The following MYOF variants were observed in gnomAD, a reference collection of about 807,000 sequenced individuals.
MYOF encodes the protein myoferlin.
Under a neutral mutation model 284.2 loss-of-function variants are expected in MYOF, and 244 were observed. The observed-to-expected ratio is 0.86, with a 90% confidence interval of 0.77 to 0.95. The LOEUF is 0.95. Among genes scored for constraint, MYOF ranks in the 40% least tolerant of loss-of-function variants. MYOF has a pLI of 0.00. For missense variants in MYOF, 2,496 were observed against 2,560.6 expected (o/e 0.97, Z 0.54); for synonymous variants, 904 against 919.7 (o/e 0.98, Z 0.31).
intron 5 of MYOF, among the ~76,000 whole-genome samples, chr10:93,413,740 G>A (rs191106780): frequency 2.8e-4 from 42 of 152,306 alleles, no homozygotes; most frequent in African/African-American, 1.0e-3. Context: ...TCTAATCCCA[G>A]TACTTTGGGA....
intron 31 of MYOF, among the ~76,000 whole-genome samples, chr10:93,354,542 C>T (rs983394717): frequency 1.3e-5 from 2 of 152,116 alleles, no homozygotes; most frequent in Admixed American, 1.3e-4. Flanking sequence ...AGAAACGGGG[C>T]TTTCTATACT....
At chr10:93,323,242 T>C in intron 47 of MYOF, 28 bp downstream of exon 47, 1 of 1,613,808 alleles carries the variant, frequency 6.2e-7, no homozygotes, top group Non-Finnish European at 8.5e-7. Flanking sequence ...CCAGTGTATG[T>C]ATCAGGGTCT....
At chr10:93,451,509 C>A (rs1276478740) in intron 3 of MYOF, among the ~76,000 whole-genome samples, 2 of 151,780 alleles carry the variant, frequency 1.3e-5, no homozygotes, top group African/African-American at 4.8e-5. Flanking sequence ...GAGGACAACC[C>A]TCAGTGTCAC....
intron 4 of MYOF, among the ~76,000 whole-genome samples, chr10:93,430,301 G>T: frequency 6.6e-6 from 1 of 151,576 alleles, no homozygotes; most frequent in South Asian, 2.1e-4. Context: ...AGATTATGAG[G>T]CCAGGCGTGG....
At chr10:93,405,648 T>G (rs912464011) in intron 7 of MYOF, among the ~76,000 whole-genome samples, 1 of 152,234 alleles carries the variant, frequency 6.6e-6, no homozygotes, top group African/African-American at 2.4e-5. Context: ...CACTGTCGGA[T>G]GCAAATTGGC....
At chr10:93,419,161 T>C (rs1022981421) in intron 5 of MYOF, among the ~76,000 whole-genome samples, 1 of 151,160 alleles carries the variant, frequency 6.6e-6, no homozygotes, top group African/African-American at 2.4e-5. Context: ...CCTTCCTTTT[T>C]TCTTCTTTTT....
Position 93,351,793 on chromosome 10 carries a change from GGAT to G in MYOF, c.3532_3534del (p.Ile1178del). On this transcript the variant is annotated inframe_deletion, in exon 33 of 54. Transcript: ENST00000359263. ...TCCCACGTGGGATTCAGGGTTGAAT[GGAT>G]GATCTCAGTGGTTTTGCTCCGATGG... 6.3e-7 allele frequency: 1 copy of G among 1,594,488 alleles called. No homozygotes were observed. Among genetic ancestry groups the G allele is most frequent in the East Asian group, 2.2e-5 (1 of 44,818 alleles).
chr10:93,387,082 T>G lies in MYOF; in HGVS notation c.1698+715A>C, dbSNP rs190115037. On this transcript the variant is annotated intron_variant, in intron 19 of 53. Coordinates refer to ENST00000359263, the MANE Select transcript of MYOF (RefSeq NM_013451.4). ...GCAACCACGTTGTCACCCTTTTTACTGTATTTTCGTATTCTTATCCCAAAA... is the reference window on the plus strand; with the variant it reads ...GCAACCACGTTGTCACCCTTTTTACGGTATTTTCGTATTCTTATCCCAAAA... Among the ~76,000 whole-genome samples the G allele has an allele frequency of 1.1e-3, 175 of 152,342 alleles. 2 individuals are homozygous for G. In the South Asian group the frequency reaches 0.019, roughly 16 times the overall value.
chr10:93,398,658 C>A (rs1256411061), intron 13 of MYOF, among the ~76,000 whole-genome samples: 2 of 152,314 alleles, frequency 1.3e-5, no homozygotes, highest in South Asian at 2.1e-4. Flanking sequence ...TGCCCCAGAG[C>A]TGAAGGCTTT....
At chr10:93,334,840 CAT>C in intron 41 of MYOF, among the ~76,000 whole-genome samples, 1 of 152,134 alleles carries the variant, frequency 6.6e-6, no homozygotes, top group Non-Finnish European at 1.5e-5. Flanking sequence ...GCTCTTGTGC[CAT>C]ATGTGATTGC....
chr10:93,354,757 C>T (rs1185315971), intron 31 of MYOF, among the ~76,000 whole-genome samples: 1 of 146,338 alleles, frequency 6.8e-6, no homozygotes, highest in Non-Finnish European at 1.5e-5. Flanking sequence ...AGCTCTACTA[C>T]CTGAGTTCAA....
intron 1 of MYOF, among the ~76,000 whole-genome samples, chr10:93,475,951 T>C (rs2057250672): frequency 6.6e-6 from 1 of 152,168 alleles, no homozygotes; most frequent in Non-Finnish European, 1.5e-5. Flanking sequence ...TTCCATAGGG[T>C]GGGGCCACTT....
At chr10:93,452,406 C>A (rs115652498) in intron 2 of MYOF, among the ~76,000 whole-genome samples, 2,590 of 151,984 alleles carry the variant, frequency 0.017, 75 homozygotes, top group African/African-American at 0.06. Flanking sequence ...GTGACCACAC[C>A]CCTGCTTCAT....
intron 45 of MYOF, among the ~76,000 whole-genome samples, chr10:93,326,753 T>C (rs968263938): frequency 8.5e-5 from 13 of 152,124 alleles, no homozygotes; most frequent in African/African-American, 3.1e-4. Flanking sequence ...GCCTCCCGAG[T>C]AGCTGGGATT....
intron 53 of MYOF, among the ~76,000 whole-genome samples, chr10:93,308,022 C>A (rs1450157083): frequency 1.3e-5 from 2 of 150,756 alleles, no homozygotes; most frequent in Non-Finnish European, 3.0e-5. Flanking sequence ...GCAGGCAGAT[C>A]ACATGAGGTC....
Position 93,478,840 on chromosome 10 carries a change from A to AAG in MYOF, c.88+3266_88+3267insCT, listed in dbSNP as rs10666333. 2.2e-3 allele frequency among the ~76,000 whole-genome samples: 169 copies of AAG among 78,056 alleles called. 4 individuals carry two copies. Among genetic ancestry groups the AAG allele is most frequent in the East Asian group, 5.5e-3 (19 of 3,456 alleles). The allele number at this position is 78,056 out of a possible 152,430, so 51.2% of individuals were successfully genotyped here. ...GAAACAGTCTCAAAAAAAAAAAAAA[A>AAG]AAAGAAAGAAAGAAAGAAAGGGTTT... On this transcript the variant is annotated intron_variant, in intron 1 of 53. Coordinates refer to ENST00000359263, the MANE Select transcript of MYOF (RefSeq NM_013451.4).
chr10:93,382,605 T>A (rs1846177290), intron 19 of MYOF, among the ~76,000 whole-genome samples: 2 of 152,204 alleles, frequency 1.3e-5, no homozygotes, highest in African/African-American at 4.8e-5. Context: ...GAAATGACCA[T>A]GAGCCCTTCA....
chr10:93,307,494 G>A (rs1842166478), intron 53 of MYOF, among the ~76,000 whole-genome samples: 1 of 152,034 alleles, frequency 6.6e-6, no homozygotes, highest in South Asian at 2.1e-4. Context: ...TAGAGATGGG[G>A]TTTCACTGTG....
intron 1 of MYOF, among the ~76,000 whole-genome samples, chr10:93,474,001 A>G (rs1405801734): frequency 6.6e-6 from 1 of 152,150 alleles, no homozygotes; most frequent in Non-Finnish European, 1.5e-5. Flanking sequence ...GCACTCGCCC[A>G]CAGGGTGCAC....
Sources: allele counts gnomAD v4.1 joint callset (sites outside exome capture counted in the v4.1 genomes callset), GRCh38; gene constraint gnomAD v4.1.1; transcripts MANE v1.5; gene names NCBI Gene and HGNC (gene_info 2026-07-23, HGNC 2026-07-21).